The following MYT1 variants were observed in gnomAD, a reference collection of about 807,000 sequenced individuals.
MYT1 encodes the protein myelin transcription factor 1.
Under a neutral mutation model 123.0 loss-of-function variants are expected in MYT1, and 23 were observed. That is an observed-to-expected ratio of 0.19 (90% CI 0.13 to 0.26). The LOEUF (loss-of-function observed/expected upper bound fraction) is 0.26. Among genes scored for constraint, MYT1 ranks in the 10% least tolerant of loss-of-function variants. MYT1 has a pLI of 1.00. For missense variants in MYT1, 1,125 were observed against 1,472.5 expected (o/e 0.76, Z 3.86); for synonymous variants, 518 against 575.3 (o/e 0.90, Z 1.43).
chr20:64,198,786 A>C, intron 2 of MYT1, 76 bp from the exon 3 acceptor site: 1 of 1,518,702 alleles, frequency 6.6e-7, no homozygotes, highest in East Asian at 2.3e-5. Flanking sequence ...GAAAATGGCC[A>C]GACATTCCTG....
chr20:64,227,612 T>C (rs1984205824), intron 17 of MYT1, 135 bp downstream of exon 17: 5 of 901,786 alleles, frequency 5.5e-6, no homozygotes, highest in Admixed American at 5.3e-5. Context: ...ATTGTTGCCA[T>C]TTCCAGAACC....
intron 1 of MYT1, among the ~76,000 whole-genome samples, chr20:64,182,695 G>C (rs1481683175): frequency 6.6e-6 from 1 of 152,158 alleles, no homozygotes; most frequent in African/African-American, 2.4e-5. Context: ...CAGGAGCAGG[G>C]AGTGATAGGC....
At chr20:64,222,647 C>T (rs1237439921) in intron 14 of MYT1, among the ~76,000 whole-genome samples, 1 of 152,250 alleles carries the variant, frequency 6.6e-6, no homozygotes, top group African/African-American at 2.4e-5. Context: ...CTGGCACCTG[C>T]TCCACAGGTG....
rs1423927394 is a variant in MYT1, at chr20:64,241,862, ATAATTTGGGGATTTTGT to A, written c.*1416_*1432del. On this transcript the variant is annotated 3_prime_UTR_variant, in exon 23 of 23. Transcript: ENST00000328439. The surrounding 1 kb of genome is among the most constrained non-coding windows in gnomAD (Gnocchi z 4.2). ...AGTATTTTGTAACTGAGGAATTTTG[ATAATTTGGGGATTTTGT>A]TTTCCCTTGGTCTAATGGAGAGAAA... The A allele has an allele frequency of 6.6e-6, 1 of 152,470 alleles. No homozygotes were observed. The highest frequency in any genetic ancestry group is 2.4e-5 in the African/African-American group (1 of 41,450). 9.4% of individuals were successfully genotyped at this position (152,470 alleles called of 1,614,324 possible). A position where few individuals can be genotyped will look rare whatever the true frequency, so the allele number is the denominator to read the frequency against.
At chr20:64,222,179 A>G in intron 14 of MYT1, 132 bp downstream of exon 14, 1 of 971,174 alleles carries the variant, frequency 1.0e-6, no homozygotes, top group South Asian at 1.7e-5. Context: ...ACCTCGAGCC[A>G]GGCAGCCTGT....
intron 4 of MYT1, 144 bp downstream of exon 4, chr20:64,200,066 C>A: frequency 1.1e-6 from 1 of 934,608 alleles, no homozygotes. Flanking sequence ...CTGCCTTTCT[C>A]CTGGCCACGT....
At chr20:64,177,351 C>T (rs142487797) in intron 1 of MYT1, among the ~76,000 whole-genome samples, 190 of 151,886 alleles carry the variant, frequency 1.3e-3, no homozygotes, top group African/African-American at 4.4e-3. Flanking sequence ...AGCAAGTCTT[C>T]ATTTTACTTC....
Position 64,199,871 on chromosome 20 carries a change from CT to C in MYT1, c.56-20del, listed in dbSNP as rs1489576376. ...AAATCACAATTCCCACATGTTTTCC[CT>C]GTTTCTGTCTTTTTCCCAGGACCCC... On this transcript the variant is annotated intron_variant, in intron 3 of 22. Coordinates refer to ENST00000328439, the MANE Select transcript of MYT1 (RefSeq NM_004535.3). 1.5e-5 allele frequency: 25 copies of C among 1,613,466 alleles called. No individual in the cohort carries two copies. The highest frequency in any genetic ancestry group is 2.0e-5 in the Non-Finnish European group (24 of 1,179,474).
At chr20:64,201,706 C>T (rs1983306278) in intron 4 of MYT1, among the ~76,000 whole-genome samples, 1 of 152,328 alleles carries the variant, frequency 6.6e-6, no homozygotes, top group Non-Finnish European at 1.5e-5. Context: ...TTTACCAGCA[C>T]ACGCTGGGCT....
intron 21 of MYT1, among the ~76,000 whole-genome samples, chr20:64,239,078 C>A (rs544460473): frequency 6.6e-6 from 1 of 152,256 alleles, no homozygotes; most frequent in Non-Finnish European, 1.5e-5. Flanking sequence ...TTAGCCTCTG[C>A]CCCCGTGGCT....
rs146675143 is a variant in MYT1, at chr20:64,171,911, G to A, written c.-99+7172G>A. Among the ~76,000 whole-genome samples the A allele has an allele frequency of 1.1e-3, 168 of 151,976 alleles. 2 individuals are homozygous for A. Among genetic ancestry groups the A allele is most frequent in the African/African-American group, 4.0e-3 (166 of 41,388 alleles). On this transcript the variant is annotated intron_variant, in intron 1 of 22. Coordinates refer to ENST00000328439, the MANE Select transcript of MYT1 (RefSeq NM_004535.3). Reference sequence around the variant, plus strand: ...CCCCCTACACCTCTGGCATCTGGAGGAACCCAAACCCACTTCAATATAAGA... The same window carrying A: ...CCCCCTACACCTCTGGCATCTGGAGAAACCCAAACCCACTTCAATATAAGA...
At chr20:64,172,885 C>T (rs1982329565) in intron 1 of MYT1, among the ~76,000 whole-genome samples, 1 of 151,880 alleles carries the variant, frequency 6.6e-6, no homozygotes, top group African/African-American at 2.4e-5. Context: ...TGTGCCACCA[C>T]ACCTGGCTAA....
chr20:64,235,857 CGTG>C (rs1399726948), intron 19 of MYT1, among the ~76,000 whole-genome samples: 4 of 102,668 alleles, frequency 3.9e-5, no homozygotes. Flanking sequence ...CTGGGCTGGC[CGTG>C]GTGGGTGACG....
chr20:64,173,532 A>G (rs1270029274), intron 1 of MYT1, among the ~76,000 whole-genome samples: 1 of 117,566 alleles, frequency 8.5e-6, no homozygotes, highest in Admixed American at 8.5e-5. Context: ...CTCCTCCTGC[A>G]GCATCCTTCC....
chr20:64,189,281 T>A lies in MYT1; in HGVS notation c.-98-782T>A, dbSNP rs894749927. On this transcript the variant is annotated intron_variant, in intron 1 of 22. Coordinates refer to ENST00000328439, the MANE Select transcript of MYT1 (RefSeq NM_004535.3). This position sits in a 1 kb window ranked among gnomAD's most constrained non-coding sequence, Gnocchi z 5.5. ...TTCATTGTTGGTTACTTAATGACCT[T>A]CCTTTGAAATGCTGCAGTTATGTAG... Among the ~76,000 whole-genome samples, 2 of 152,244 alleles carry A rather than the reference T, an allele frequency of 1.3e-5. No homozygotes were observed. Among genetic ancestry groups the A allele is most frequent in the African/African-American group, 4.8e-5 (2 of 41,472 alleles).
In MYT1 at chr20:64,219,860, A is replaced by G. The variant is rs199888793; in HGVS notation, c.2119A>G (p.Thr707Ala). The G allele has an allele frequency of 2.2e-5, 36 of 1,602,940 alleles. No individual in the cohort carries two copies. The African/African-American group carries it at 4.4e-4, about 20-fold the overall frequency. The change falls in exon 13 of 23, where the codon ACC becomes GCC. Residue 707 changes from threonine to alanine, a missense_variant. Around this residue, in one of 4 missense-constraint regions of MYT1, gnomAD observed 429 missense variants for 604.1 expected, o/e 0.71. Transcript: ENST00000328439. ...CGACGCCTCCCAGCGCCACAGCAGC[A>G]CCAGCGCCCCCAGCAGCTCCATGAC... Reference protein sequence around the residue: ...SPDASQRHSSTSAPSSSMTSP... With the variant: ...SPDASQRHSSASAPSSSMTSP...
At position 64,213,575 on chromosome 20, in the gene MYT1, A is replaced by G. The variant is rs1220099521; in HGVS notation, c.1559A>G (p.Lys520Arg). ...CPIAAAEKLA[K>R]SHEKQQPQTG... ...ATTGCTGCCGCCGAAAAATTAGCCA[A>G]ATCCCATGAGAAGCAGCAGCCGCAG... Residue 520 changes from lysine (K) to arginine (R), a missense_variant, in exon 10 of 23, where the codon AAA becomes AGA. By Grantham distance (26) the Lys-to-Arg change is conservative. Transcript: ENST00000328439. This position sits in a 1 kb window ranked among gnomAD's most constrained non-coding sequence, Gnocchi z 5.6. 2 of 1,613,918 alleles carry G rather than the reference A, an allele frequency of 1.2e-6. No homozygotes were observed. The highest frequency in any genetic ancestry group is 3.3e-5 in the Admixed American group (2 of 59,992).
chr20:64,213,650 G>A lies in MYT1; in HGVS notation c.1631+3G>A, dbSNP rs773805926. The stretch of plus-strand genomic sequence containing the variant: ...TCCAATTCCGATCGGATCCTCAGGT[G>A]AGTGAGATGAGCCACAGAACTGAAG... On this transcript the variant is annotated splice_donor_region_variant and intron_variant, in intron 10 of 22. Transcript: ENST00000328439. This position sits in a 1 kb window ranked among gnomAD's most constrained non-coding sequence, Gnocchi z 5.6. 1.2e-6 allele frequency: 2 copies of A among 1,612,156 alleles called. No homozygotes were observed. The highest frequency in any genetic ancestry group is 2.2e-5 in the South Asian group (2 of 91,032).
At chr20:64,228,397 T>C (rs563446762) in intron 18 of MYT1, among the ~76,000 whole-genome samples, 11 of 152,320 alleles carry the variant, frequency 7.2e-5, no homozygotes, top group African/African-American at 2.2e-4. Flanking sequence ...CCAAATCCCA[T>C]GTGTCCATCC....
Sources: allele counts gnomAD v4.1 joint callset (sites outside exome capture counted in the v4.1 genomes callset), GRCh38; gene constraint gnomAD v4.1.1; regional missense constraint gnomAD v4.1.1; non-coding constraint Gnocchi (gnomAD v3.1); transcripts MANE v1.5; gene names NCBI Gene and HGNC (gene_info 2026-07-23, HGNC 2026-07-21).